Variants in XRCC6 observed in about 807,000 individuals in gnomAD.
The protein encoded by XRCC6 is DNA repair protein Ku70.
A neutral mutation model predicts 65.7 loss-of-function variants in XRCC6; 5 were observed. That is an observed-to-expected ratio of 0.08 (90% CI 0.04 to 0.16). The LOEUF (loss-of-function observed/expected upper bound fraction) is 0.16, where lower values mean the gene tolerates loss of function less well. Ranked by LOEUF, XRCC6 falls within the 10% of genes least tolerant of loss-of-function variation. The probability of loss-of-function intolerance (pLI) is 1.00; values close to 1 mark genes in which losing one functional copy is unlikely to be tolerated. For synonymous variants in XRCC6, 270 were observed against 270.6 expected, an observed-to-expected ratio of 1.00 and a Z score of 0.02; for missense variants, 447 against 738.1, an observed-to-expected ratio of 0.61 and a Z score of 4.57.
chr22:41,626,299 C>A (rs1393234115), intron 2 of XRCC6, among the ~76,000 whole-genome samples: 1 of 150,716 alleles, frequency 6.6e-6, no homozygotes, highest in Non-Finnish European at 1.5e-5. Flanking sequence ...TGCGCCACTA[C>A]ACGCAGCTAA....
At chr22:41,643,459 C>T (rs569146209) in intron 6 of XRCC6, among the ~76,000 whole-genome samples, 1 of 152,052 alleles carries the variant, frequency 6.6e-6, no homozygotes, top group Non-Finnish European at 1.5e-5. Flanking sequence ...TGTCTCTGAG[C>T]ATGGCTTTAG....
chr22:41,651,013 G>T, intron 8 of XRCC6, 122 bp downstream of exon 8: 1 of 1,320,878 alleles, frequency 7.6e-7, no homozygotes. Flanking sequence ...TGTTGAAAGT[G>T]TTTCAAGCTC....
intron 3 of XRCC6, among the ~76,000 whole-genome samples, chr22:41,629,535 C>T (rs1026815268): frequency 6.6e-6 from 1 of 152,116 alleles, no homozygotes; most frequent in Admixed American, 6.5e-5. Context: ...ACCTGAGGCA[C>T]AGGGAAGAGA....
intron 3 of XRCC6, among the ~76,000 whole-genome samples, chr22:41,630,015 C>G (rs1218116498): frequency 1.5e-5 from 2 of 137,810 alleles, no homozygotes; most frequent in African/African-American, 2.7e-5. Context: ...GTTGGAGTCT[C>G]GCTCTGTCAC....
intron 2 of XRCC6, among the ~76,000 whole-genome samples, chr22:41,626,316 T>G (rs1379903969): frequency 6.6e-6 from 1 of 151,682 alleles, no homozygotes; most frequent in African/African-American, 2.4e-5. Flanking sequence ...CTAATTTTTG[T>G]ATTTTTAGTA....
intron 9 of XRCC6, among the ~76,000 whole-genome samples, chr22:41,656,590 A>G (rs943205254): frequency 2.0e-5 from 3 of 152,172 alleles, no homozygotes; most frequent in Non-Finnish European, 4.4e-5. Flanking sequence ...ACATGTTTCA[A>G]TTGACGGCAG....
chr22:41,643,511 T>C (rs997175269), intron 6 of XRCC6, among the ~76,000 whole-genome samples: 9 of 151,830 alleles, frequency 5.9e-5, no homozygotes, highest in Admixed American at 2.6e-4. Flanking sequence ...TTTACTTTCA[T>C]GCAGTTCAAA....
At chr22:41,661,704 G>GC (rs1006944139) in intron 12 of XRCC6, 25 of 408,198 alleles carry the variant, frequency 6.1e-5, no homozygotes, top group African/African-American at 4.8e-4. Context: ...GAAAACTAGA[G>GC]CTACCATATG....
intron 1 of XRCC6, 43 bp from the exon 2 acceptor site, chr22:41,621,947 G>T: frequency 6.3e-7 from 1 of 1,589,788 alleles, no homozygotes; most frequent in African/African-American, 1.3e-5. Context: ...GTATTTTTTC[G>T]ATTTAAATTT....
At chr22:41,655,891 A>T (rs2068040458) in intron 9 of XRCC6, among the ~76,000 whole-genome samples, 1 of 151,608 alleles carries the variant, frequency 6.6e-6, no homozygotes, top group Non-Finnish European at 1.5e-5. Flanking sequence ...TGCACCTCAA[A>T]CTGTAAAAGT....
chr22:41,633,594 G>A (rs1267874920), intron 3 of XRCC6, among the ~76,000 whole-genome samples: 1 of 152,056 alleles, frequency 6.6e-6, no homozygotes, highest in African/African-American at 2.4e-5. Context: ...TGTTAGCCAG[G>A]ATGGTCTCCA....
At position 41,653,578 on chromosome 22, in the gene XRCC6, G is replaced by A. The variant is rs747150562; in HGVS notation, c.1179G>A (p.Glu393=). 3 of 1,613,918 alleles carry A rather than the reference G, an allele frequency of 1.9e-6. No homozygotes were observed. The South Asian group carries it at 3.3e-5, about 18-fold the overall frequency. ...SALLIKCLEK[E]VAALCRYTPR... ...TGCTCATCAAGTGTCTGGAGAAGGA[G>A]GTTGCAGCATTGTGCAGATACACAC... The change falls in exon 9 of 13, where the codon GAG becomes GAA. Residue 393 remains glutamate (E), a synonymous_variant. Coordinates refer to ENST00000360079, the MANE Select transcript of XRCC6 (RefSeq NM_001469.5).
rs751180445 is a variant in XRCC6 at position 41,637,962 on chromosome 22, T to TGA, written c.773+171_773+172insGA. On this transcript the variant is annotated intron_variant, in intron 6 of 12. Transcript: ENST00000360079. ...AACATGGCAAGACCCTCTCTCTACC[T>TGA]AAAAAAAAAAAAAAAAAAATCAGAA... Among the ~76,000 whole-genome samples, 3 of 131,144 alleles carry TGA rather than the reference T, an allele frequency of 2.3e-5. No homozygotes were observed. The East Asian group carries it at 6.7e-4, about 29-fold the overall frequency. 86.0% of individuals were successfully genotyped at this position (131,144 alleles called of 152,430 possible). A position where few individuals can be genotyped will look rare whatever the true frequency, so the allele number is the denominator to read the frequency against.
chr22:41,630,233 C>T (rs888356673), intron 3 of XRCC6, among the ~76,000 whole-genome samples: 4 of 151,866 alleles, frequency 2.6e-5, no homozygotes, highest in African/African-American at 7.3e-5. Flanking sequence ...CTGCTCGCCT[C>T]GGCCTTCCAA....
At chr22:41,631,317 C>G (rs1481994293) in intron 3 of XRCC6, among the ~76,000 whole-genome samples, 1 of 151,208 alleles carries the variant, frequency 6.6e-6, no homozygotes, top group Non-Finnish European at 1.5e-5. Flanking sequence ...CGGAGAGGCT[C>G]CTCACTTCCC....
At chr22:41,640,055 G>A (rs192856241) in intron 6 of XRCC6, among the ~76,000 whole-genome samples, 7 of 151,954 alleles carry the variant, frequency 4.6e-5, no homozygotes, top group South Asian at 2.1e-4. Flanking sequence ...ATTAAGAGAC[G>A]GTGTCTCACT....
At chr22:41,632,837 A>G (rs1334624764) in intron 3 of XRCC6, among the ~76,000 whole-genome samples, 1 of 150,658 alleles carries the variant, frequency 6.6e-6, no homozygotes, top group Non-Finnish European at 1.5e-5. Context: ...AAAAAAAAAA[A>G]AAAAGAAAAG....
At chr22:41,646,310 A>T (rs946034694) in intron 6 of XRCC6, among the ~76,000 whole-genome samples, 3 of 152,088 alleles carry the variant, frequency 2.0e-5, no homozygotes, top group Non-Finnish European at 4.4e-5. Context: ...CTCGAAAAAA[A>T]AAAAGCAGAG....
At chr22:41,636,441 G>C in intron 4 of XRCC6, 75 bp from the exon 5 acceptor site, 3 of 1,568,352 alleles carry the variant, frequency 1.9e-6, no homozygotes, top group South Asian at 1.2e-5. Flanking sequence ...GGGTCCTTCT[G>C]TTAGTCTTGT....
Sources: gnomAD v4.1 joint callset for allele counts (sites outside exome capture counted in the v4.1 genomes callset) on GRCh38, gnomAD v4.1.1 for gene constraint, MANE v1.5 for transcripts, NCBI Gene and HGNC (gene_info 2026-07-23, HGNC 2026-07-21) for gene names.